FBXL13: variants seen among roughly 807,000 people sequenced by gnomAD.
FBXL13 encodes the protein F-box and leucine-rich repeat protein 13.
A neutral mutation model predicts 83.6 loss-of-function variants in FBXL13; 67 were observed. The ratio of observed to expected loss-of-function variants is 0.80; its 90% CI spans 0.66 to 0.98. The LOEUF is 0.98. Ranked by LOEUF, FBXL13 falls within the 50% of genes least tolerant of loss-of-function variation. The pLI, the probability that FBXL13 is intolerant of heterozygous loss-of-function variation, is 0.00. For missense variants in FBXL13, 822 were observed against 866.5 expected (o/e 0.95, Z 0.64); for synonymous variants, 272 against 299.5 (o/e 0.91, Z 0.95).
chr7:102,989,740 A>T (rs1524421), intron 6 of FBXL13, among the ~76,000 whole-genome samples: 148,963 of 152,340 alleles, frequency 0.98, 72,943 homozygotes, highest in East Asian at 1. Flanking sequence ...CTGTATCAGA[A>T]AATATGTCCA....
chr7:103,012,621 C>T (rs1301800812), intron 6 of FBXL13, among the ~76,000 whole-genome samples: 1 of 152,082 alleles, frequency 6.6e-6, no homozygotes, highest in African/African-American at 2.4e-5. Context: ...GAATTTCTTA[C>T]CAACAGACAT....
rs920636452 is a variant in FBXL13 at position 103,042,884 on chromosome 7, C to A, written c.-1+12760G>T. On this transcript the variant is annotated intron_variant, in intron 2 of 19. Coordinates refer to ENST00000313221, the Ensembl canonical transcript of FBXL13. Reference sequence around the variant, plus strand: ...TAAAAACCCTAGAAGAAAACCTAAGCAATACCATTCAGGACATAGGCATGG... The same window carrying A: ...TAAAAACCCTAGAAGAAAACCTAAGAAATACCATTCAGGACATAGGCATGG... Among the ~76,000 whole-genome samples the A allele has an allele frequency of 1.2e-4, 19 of 152,142 alleles. 1 individual carries two copies. The highest frequency in any genetic ancestry group is 4.8e-5 in the African/African-American group (2 of 41,436).
downstream of FBXL13, among the ~76,000 whole-genome samples, chr7:102,811,270 C>T (rs1584383087): frequency 1.3e-5 from 2 of 152,060 alleles, no homozygotes; most frequent in Non-Finnish European, 2.9e-5. Flanking sequence ...AAGTCCCAGA[C>T]AAAAAGAAAA....
At chr7:103,019,066 G>A (rs1294848866) in intron 6 of FBXL13, among the ~76,000 whole-genome samples, 1 of 152,142 alleles carries the variant, frequency 6.6e-6, no homozygotes, top group African/African-American at 2.4e-5. Flanking sequence ...TGATCACATA[G>A]TTGGAAGTAA....
chr7:103,066,877 C>A (rs1798449001), intron 1 of FBXL13, among the ~76,000 whole-genome samples: 1 of 149,350 alleles, frequency 6.7e-6, no homozygotes, highest in South Asian at 2.1e-4. Context: ...CCGCAACCTT[C>A]GCCTCCTGGG....
At chr7:102,827,666 T>C (rs1421882579) in intron 18 of FBXL13, among the ~76,000 whole-genome samples, 1 of 152,120 alleles carries the variant, frequency 6.6e-6, no homozygotes, top group Non-Finnish European at 1.5e-5. Context: ...CGTAATGCTA[T>C]TCCTCCCCCC....
intron 2 of FBXL13, among the ~76,000 whole-genome samples, chr7:103,044,116 T>C (rs1333647764): frequency 6.6e-6 from 1 of 152,200 alleles, no homozygotes; most frequent in African/African-American, 2.4e-5. Flanking sequence ...AGCATCTAGA[T>C]TTAACTACCA....
exon 14 of FBXL13, chr7:102,883,335 A>C: frequency 6.2e-7 from 1 of 1,613,006 alleles, no homozygotes; most frequent in South Asian, 1.1e-5. Context: ...CAACACAGTC[A>C]GTTGCTTCAA....
At chr7:103,026,208 G>A (rs4279528) in intron 5 of FBXL13, among the ~76,000 whole-genome samples, 2 of 151,760 alleles carry the variant, frequency 1.3e-5, no homozygotes, top group South Asian at 4.2e-4. Context: ...GCGTGATCTC[G>A]GCTCACTGCA....
At chr7:102,834,103 AAAGAAAG>A (rs745623502) in intron 17 of FBXL13, among the ~76,000 whole-genome samples, 21 of 103,056 alleles carry the variant, frequency 2.0e-4, no homozygotes, top group African/African-American at 4.4e-4. Context: ...AGAAAGAAAG[AAAGAAAG>A]AAAGAAAGAA....
chr7:102,812,167 C>G (rs1797471312), downstream of FBXL13, among the ~76,000 whole-genome samples: 1 of 152,174 alleles, frequency 6.6e-6, no homozygotes, highest in Non-Finnish European at 1.5e-5. Context: ...TGTGTTTTCT[C>G]TTGGACTGTG....
intron 17 of FBXL13, among the ~76,000 whole-genome samples, chr7:102,834,100 A>AAGAC (rs1394242567): frequency 9.5e-6 from 1 of 105,736 alleles, no homozygotes; most frequent in Non-Finnish European, 1.9e-5. Context: ...GAAAGAAAGA[A>AAGAC]AGAAAGAAAG....
intron 11 of FBXL13, among the ~76,000 whole-genome samples, chr7:102,908,170 TTC>T (rs1287290552): frequency 6.6e-6 from 1 of 152,194 alleles, no homozygotes; most frequent in Admixed American, 6.5e-5. Context: ...TCACTAATTC[TTC>T]TGTTTGATCA....
chr7:102,837,260 G>C (rs1007453994), intron 17 of FBXL13, among the ~76,000 whole-genome samples: 1 of 152,178 alleles, frequency 6.6e-6, no homozygotes, highest in East Asian at 1.9e-4. Context: ...TCCTGGAGAT[G>C]CCACTCTTGC....
At position 103,055,753 on chromosome 7, in the gene FBXL13, G is replaced by A. The variant is rs1184080808; in HGVS notation, c.-104-6C>T. On this transcript the variant is annotated splice_region_variant and splice_polypyrimidine_tract_variant and intron_variant, in intron 1 of 19. Transcript: ENST00000313221. ...AGTATACCACATAACAGTGCCTAGG[G>A]GAAAAAAGGGAAATGGCATCAATGT... 4.2e-6 allele frequency: 5 copies of A among 1,179,800 alleles called. No individual in the cohort carries two copies. Among genetic ancestry groups the A allele is most frequent in the African/African-American group, 3.2e-5 (2 of 62,452 alleles). The allele number at this position is 1,179,800 out of a possible 1,614,324, so 73.1% of individuals were successfully genotyped here.
intron 5 of FBXL13, among the ~76,000 whole-genome samples, chr7:103,025,952 G>GA (rs1169059232): frequency 6.6e-6 from 1 of 150,746 alleles, no homozygotes; most frequent in Non-Finnish European, 1.5e-5. Context: ...CATATATCTA[G>GA]AAAAAAAGTT....
intron 7 of FBXL13, among the ~76,000 whole-genome samples, chr7:102,966,206 C>T (rs1472312341): frequency 3.3e-5 from 5 of 152,082 alleles, no homozygotes; most frequent in Non-Finnish European, 7.3e-5. Context: ...TGGTTTAATG[C>T]AGTGATTCTC....
chr7:102,904,672 T>C (rs1005892630), intron 11 of FBXL13, among the ~76,000 whole-genome samples: 1 of 152,094 alleles, frequency 6.6e-6, no homozygotes, highest in Non-Finnish European at 1.5e-5. Context: ...TGGTTTGCTC[T>C]TGCTTCTCTA....
At chr7:103,027,707 C>T (rs934845825) in intron 4 of FBXL13, 149 bp from the exon 6 acceptor site, 3 of 491,394 alleles carry the variant, frequency 6.1e-6, no homozygotes, top group East Asian at 3.1e-5. Flanking sequence ...AAATTAATTA[C>T]TTTTGATAGC....
Sources: allele counts gnomAD v4.1 joint callset (sites outside exome capture counted in the v4.1 genomes callset), GRCh38; gene constraint gnomAD v4.1.1; transcripts MANE v1.5; gene names NCBI Gene and HGNC (gene_info 2026-07-23, HGNC 2026-07-21).